Variants in LMLN observed in about 807,000 individuals in gnomAD.
LMLN encodes the protein leishmanolysin-like peptidase.
A neutral mutation model predicts 92.3 loss-of-function variants in LMLN; 70 were observed. The observed-to-expected ratio is 0.76, with a 90% confidence interval of 0.63 to 0.92. LMLN has a LOEUF of 0.92. LMLN is among the 40% of genes least tolerant of loss of function. The pLI is 0.00. For synonymous variants in LMLN, 308 were observed against 296.2 expected, an observed-to-expected ratio of 1.04 and a Z score of -0.41; for missense variants, 691 against 814.6, an observed-to-expected ratio of 0.85 and a Z score of 1.85.
intron 11 of LMLN, among the ~76,000 whole-genome samples, chr3:198,002,456 G>T (rs2109904132): frequency 6.6e-6 from 1 of 152,360 alleles, no homozygotes; most frequent in East Asian, 1.9e-4. Context: ...AATGGACATA[G>T]GCTGGGCACA....
chr3:197,980,620 G>A, intron 6 of LMLN, 116 bp downstream of exon 6: 1 of 976,418 alleles, frequency 1.0e-6, no homozygotes, highest in South Asian at 1.5e-5. Flanking sequence ...GCCTCTGGTA[G>A]ACAGGAATAG....
chr3:197,990,227 T>C (rs867569107), intron 8 of LMLN, among the ~76,000 whole-genome samples: 5 of 152,074 alleles, frequency 3.3e-5, no homozygotes, highest in Admixed American at 6.6e-5. Context: ...TGCGCCCAGC[T>C]AATTTTTAAA....
intron 1 of LMLN, among the ~76,000 whole-genome samples, chr3:197,965,618 C>T (rs965626542): frequency 6.6e-6 from 1 of 152,148 alleles, no homozygotes; most frequent in Non-Finnish European, 1.5e-5. Context: ...CAGATTTTCT[C>T]TATTAAAAAC....
chr3:197,960,489 G>T (rs1720829979), intron 1 of LMLN, 49 bp downstream of exon 1: 2 of 1,547,256 alleles, frequency 1.3e-6, no homozygotes, highest in Admixed American at 3.4e-5. Flanking sequence ...AAGTCACCCA[G>T]AAGGAGCAGG....
chr3:197,970,437 G>A (rs2109848835), intron 1 of LMLN, among the ~76,000 whole-genome samples: 1 of 152,270 alleles, frequency 6.6e-6, no homozygotes, highest in Non-Finnish European at 1.5e-5. Context: ...AAGACTAGAG[G>A]AAATTAGGCA....
intron 11 of LMLN, among the ~76,000 whole-genome samples, chr3:198,018,189 A>T (rs1224970909): frequency 6.6e-6 from 1 of 152,206 alleles, no homozygotes; most frequent in Non-Finnish European, 1.5e-5. Context: ...TTGGTTTTAG[A>T]CAAAAAACAG....
rs546457399 is a variant in LMLN, at chr3:198,012,464, A to G, written c.1233-6789A>G. 3.3e-5 allele frequency among the ~76,000 whole-genome samples: 5 copies of G among 152,282 alleles called. No individual in the cohort carries two copies. The South Asian group carries it at 6.2e-4, about 19-fold the overall frequency. On this transcript the variant is annotated intron_variant, in intron 11 of 15. Transcript: ENST00000330198. ...TGCTAATTTCCTGCCTAGTTGGTCTATCAGTTGTTGAGAGAATTCACCACC... is the reference window on the plus strand; with the variant it reads ...TGCTAATTTCCTGCCTAGTTGGTCTGTCAGTTGTTGAGAGAATTCACCACC...
chr3:198,013,131 C>A, intron 11 of LMLN, among the ~76,000 whole-genome samples: 1 of 133,890 alleles, frequency 7.5e-6, no homozygotes, highest in Admixed American at 7.1e-5. Context: ...CTTCTCTCCA[C>A]CCCTCAGAGC....
intron 5 of LMLN, among the ~76,000 whole-genome samples, chr3:197,979,109 A>G (rs1483308904): frequency 1.3e-5 from 2 of 152,190 alleles, no homozygotes; most frequent in Admixed American, 1.3e-4. Context: ...CTAACTATAA[A>G]CATGTATTCT....
chr3:197,988,190 C>A (rs1317586179), intron 8 of LMLN, among the ~76,000 whole-genome samples: 2 of 150,986 alleles, frequency 1.3e-5, no homozygotes, highest in African/African-American at 4.9e-5. Context: ...CACTATATTG[C>A]CCAGGTGGGT....
intron 11 of LMLN, among the ~76,000 whole-genome samples, chr3:198,018,425 A>G (rs991741274): frequency 6.6e-6 from 1 of 152,244 alleles, no homozygotes; most frequent in Non-Finnish European, 1.5e-5. Context: ...ATTCCACAGA[A>G]GTGTGGCTGG....
At chr3:197,976,352 C>T (rs1158968856) in intron 4 of LMLN, 16 of 475,344 alleles carry the variant, frequency 3.4e-5, no homozygotes, top group Non-Finnish European at 4.9e-5. Context: ...CCCCTGTTCT[C>T]CAGATCACCT....
intron 11 of LMLN, among the ~76,000 whole-genome samples, chr3:198,001,097 C>T (rs1722160368): frequency 6.6e-6 from 1 of 152,164 alleles, no homozygotes; most frequent in African/African-American, 2.4e-5. Context: ...CTCAGAAAAA[C>T]CTTCCCGAAT....
At chr3:198,038,830 C>T (rs760085355) in exon 16 of LMLN, 2 of 579,962 alleles carry the variant, frequency 3.4e-6, no homozygotes, top group Non-Finnish European at 6.2e-6. Flanking sequence ...AACTTCACAG[C>T]AGCCTGTCCT....
Position 198,024,647 on chromosome 3 carries a change from C to T in LMLN, c.1526-11C>T, listed in dbSNP as rs1039792312. On this transcript the variant is annotated splice_polypyrimidine_tract_variant and intron_variant, in intron 13 of 15. Coordinates refer to ENST00000330198, the Ensembl canonical transcript of LMLN. ...GTCAATTTTTAAGGAGACTTTTCTT[C>T]TTTGCCTCAGAAATTTTTAAGAACT... 1.3e-6 allele frequency: 2 copies of T among 1,553,414 alleles called. No individual in the cohort carries two copies. Among genetic ancestry groups the T allele is most frequent in the Non-Finnish European group, 1.7e-6 (2 of 1,155,198 alleles).
In LMLN at chr3:197,960,460, A is replaced by G; in HGVS notation, c.219+20A>G. 3.7e-6 allele frequency: 6 copies of G among 1,608,168 alleles called. No homozygotes were observed. The highest frequency in any genetic ancestry group is 5.1e-6 in the Non-Finnish European group (6 of 1,175,616). On this transcript the variant is annotated intron_variant, in intron 1 of 15. Coordinates refer to ENST00000330198, the Ensembl canonical transcript of LMLN. The stretch of plus-strand genomic sequence containing the variant: ...ACTGAGGTAGGGCGACATGGGCGGG[A>G]GCGGGCCCTCTCAGGGTAAAGTCAC...
chr3:198,038,424 CCTGGGTTTTGCT>C (rs1375053715), intron 15 of LMLN, 131 bp from the exon 17 acceptor site: 1 of 611,008 alleles, frequency 1.6e-6, no homozygotes, highest in Admixed American at 2.8e-5. Context: ...CTTTTTTATA[CCTGGGTTTTGCT>C]CTTGATTTAG....
exon 16 of LMLN, chr3:198,038,977 ACCACCTCATCAGCAACCCAG>A (rs1250572838): frequency 5.0e-5 from 15 of 297,304 alleles, no homozygotes; most frequent in Middle Eastern, 1.1e-3. Flanking sequence ...CAGCAACCCA[ACCACCTCATCAGCAACCCAG>A]CCACCTTCAT....
At chr3:198,024,662 T>G in exon 14 of LMLN, 1 of 1,565,936 alleles carries the variant, frequency 6.4e-7, no homozygotes, top group South Asian at 1.2e-5. Flanking sequence ...CCTCAGAAAT[T>G]TTTAAGAACT....
Sources: allele counts gnomAD v4.1 joint callset (sites outside exome capture counted in the v4.1 genomes callset), GRCh38; gene constraint gnomAD v4.1.1; transcripts MANE v1.5; gene names NCBI Gene and HGNC (gene_info 2026-07-23, HGNC 2026-07-21).